Variants in KIF9 observed in about 807,000 individuals in gnomAD.
KIF9 encodes the protein kinesin-like protein KIF9.
Under a neutral mutation model 94.8 loss-of-function variants are expected in KIF9, and 68 were observed. The ratio of observed to expected loss-of-function variants is 0.72; its 90% CI spans 0.59 to 0.88. The LOEUF (loss-of-function observed/expected upper bound fraction) is 0.88, where lower values mean the gene tolerates loss of function less well. KIF9 is among the 40% of genes least tolerant of loss of function. The pLI, the probability that KIF9 is intolerant of heterozygous loss-of-function variation, is 0.00. For missense variants in KIF9, 882 were observed against 982.5 expected (o/e 0.90, Z 1.37); for synonymous variants, 343 against 362.1 (o/e 0.95, Z 0.60).
At chr3:47,233,589 G>A (rs1215893319) in intron 20 of KIF9, among the ~76,000 whole-genome samples, 1 of 150,918 alleles carries the variant, frequency 6.6e-6, no homozygotes, top group Non-Finnish European at 1.5e-5. Context: ...CCAGCTACTC[G>A]GGAGGCTGAG....
intron 20 of KIF9, chr3:47,231,702 C>T (rs911899231): frequency 6.6e-6 from 1 of 152,048 alleles, no homozygotes; most frequent in East Asian, 1.9e-4. Context: ...ATTATAGGCA[C>T]GAGCTATTGT....
chr3:47,256,730 G>A lies in KIF9; in HGVS notation c.1059+753C>T, dbSNP rs551287695. ...GGAAGGGTGGGGAAAGGATTGAGAA[G>A]TCGGATGGTTGCCATGTCTGTGTAG... On this transcript the variant is annotated intron_variant, in intron 10 of 20. Transcript: ENST00000684063. Among the ~76,000 whole-genome samples the A allele has an allele frequency of 6.9e-3, 1,054 of 152,320 alleles. 14 individuals carry two copies. The highest frequency in any genetic ancestry group is 0.023 in the African/African-American group (972 of 41,580).
At chr3:47,245,364 G>T in intron 14 of KIF9, 57 bp downstream of exon 14, 1 of 1,298,380 alleles carries the variant, frequency 7.7e-7, no homozygotes, top group Non-Finnish European at 1.1e-6. Flanking sequence ...GCTCTGCAAA[G>T]GTCTGAGGAT....
chr3:47,239,446 A>G lies in KIF9; in HGVS notation c.1924+1355T>C, dbSNP rs1699304177. On this transcript the variant is annotated intron_variant, in intron 17 of 20. Coordinates refer to ENST00000684063, the MANE Select transcript of KIF9 (RefSeq NM_182902.4). ...GGATAGGGGTATGTCTATAGCCACC[A>G]TCACTGGCCTTCTCCAGCTTCCCAG... The G allele has an allele frequency of 5.9e-6, 3 of 508,116 alleles. No individual in the cohort carries two copies. In the Admixed American group the frequency reaches 1.6e-4, roughly 27 times the overall value. 31.5% of individuals were successfully genotyped at this position (508,116 alleles called of 1,614,324 possible).
intron 5 of KIF9, among the ~76,000 whole-genome samples, chr3:47,270,086 T>C (rs1357748980): frequency 6.6e-6 from 1 of 151,964 alleles, no homozygotes; most frequent in Non-Finnish European, 1.5e-5. Context: ...GTATTGTTAG[T>C]GGAGATGAGG....
At chr3:47,229,357 A>T (rs1173005158) in intron 20 of KIF9, among the ~76,000 whole-genome samples, 1 of 152,178 alleles carries the variant, frequency 6.6e-6, no homozygotes, top group Non-Finnish European at 1.5e-5. Flanking sequence ...GGGGGAAAAT[A>T]ATTTCTATTT....
chr3:47,277,287 T>C lies in KIF9; in HGVS notation c.88A>G (p.Lys30Glu), dbSNP rs1477113057. Residue 30 changes from lysine (K) to glutamate (E), a missense_variant, in exon 2 of 21, where the codon AAA (lysine) becomes GAA (glutamate). Lys to Glu is a moderately conservative substitution (Grantham distance 56). Transcript: ENST00000684063. ...GGCAAACACATCGCACTTACTCTTT[T>C]GTCATCTCCGTATCTGATCATTTCA... ...AHEMIRYGDD[K>E]RSIDIHLKKD... 3.2e-5 allele frequency: 52 copies of C among 1,612,882 alleles called. No homozygotes were observed. The highest frequency in any genetic ancestry group is 4.2e-5 in the Non-Finnish European group (49 of 1,179,052).
At chr3:47,237,862 T>A (rs1699151743) in intron 17 of KIF9, among the ~76,000 whole-genome samples, 1 of 152,190 alleles carries the variant, frequency 6.6e-6, no homozygotes, top group Admixed American at 6.5e-5. Context: ...TCACCAGGTG[T>A]CTCACCTTCA....
chr3:47,277,034 C>T (rs924929637), intron 2 of KIF9: 12 of 310,404 alleles, frequency 3.9e-5, no homozygotes, highest in African/African-American at 8.6e-5. Context: ...GTGTCAGATA[C>T]GAGGGTAAAG....
chr3:47,268,485 A>G (rs898515246), intron 5 of KIF9, among the ~76,000 whole-genome samples: 1 of 152,104 alleles, frequency 6.6e-6, no homozygotes, highest in Non-Finnish European at 1.5e-5. Context: ...CCATACCTCT[A>G]TAGCTTATAG....
intron 9 of KIF9, among the ~76,000 whole-genome samples, chr3:47,262,113 C>T (rs938222570): frequency 1.3e-5 from 2 of 152,072 alleles, no homozygotes; most frequent in African/African-American, 2.4e-5. Context: ...CCGGAGACTG[C>T]GGGTACCAGG....
Position 47,231,349 on chromosome 3 carries a change from GA to G in KIF9, c.2323-2648del, listed in dbSNP as rs1698561408. 4.7e-5 allele frequency among the ~76,000 whole-genome samples: 7 copies of G among 149,840 alleles called. No individual in the cohort carries two copies. In the Admixed American group the frequency reaches 4.7e-4, roughly 10 times the overall value. On this transcript the variant is annotated intron_variant, in intron 20 of 20. Coordinates refer to ENST00000684063, the MANE Select transcript of KIF9 (RefSeq NM_182902.4). ...AGTGTGGTCCTGGACTAGCAGCATG[GA>G]CATCATCTGGGAGTTTATTCAAAAT...
At position 47,248,059 on chromosome 3, in the gene KIF9, G is replaced by C; in HGVS notation, c.1087C>G (p.Leu363Val). 1 of 1,613,826 alleles carries C rather than the reference G, an allele frequency of 6.2e-7. No homozygotes were observed. Among genetic ancestry groups the C allele is most frequent in the Non-Finnish European group, 8.5e-7 (1 of 1,179,858 alleles). Residue 363 changes from leucine (L) to valine (V), a missense_variant, in exon 11 of 21, where the codon CTA (leucine) becomes GTA (valine). By Grantham distance (32) the Leu-to-Val change is conservative (BLOSUM62 1). Coordinates refer to ENST00000684063, the MANE Select transcript of KIF9 (RefSeq NM_182902.4). ...GCCAGCTCCTGCTTGAGTAGTGCTA[G>C]TTCCTTCTCCAGGTTCTTGACCATT... is the stretch of plus-strand genomic sequence containing the variant. The part of the protein sequence containing the change: ...ERMVKNLEKE[L>V]ALLKQELAIH...
intron 10 of KIF9, among the ~76,000 whole-genome samples, chr3:47,256,529 GC>G (rs570707358): frequency 6.6e-6 from 1 of 151,004 alleles, no homozygotes; most frequent in Non-Finnish European, 1.5e-5. Flanking sequence ...GGGGGGGTCG[GC>G]CCCCCGCCCG....
intron 17 of KIF9, chr3:47,239,647 G>A (rs1177886002): frequency 9.4e-7 from 1 of 1,058,514 alleles, no homozygotes; most frequent in African/African-American, 1.7e-5. Flanking sequence ...GAGTGCAGTG[G>A]CGCAATCTTG....
At chr3:47,271,554 G>T in intron 4 of KIF9, 93 bp from the exon 5 acceptor site, 1 of 845,836 alleles carries the variant, frequency 1.2e-6, no homozygotes, top group Non-Finnish European at 2.0e-6. Flanking sequence ...GGAACATCAA[G>T]ATGTATAGAA....
chr3:47,282,615 T>C lies in KIF9; in HGVS notation c.-126A>G, dbSNP rs143186917. Reference sequence around the variant, plus strand: ...CATGGCAACGGGTCGCTTCCGGGGATTCCGGAAGTGTCGGGGTGGCGGAAA... The same window carrying C: ...CATGGCAACGGGTCGCTTCCGGGGACTCCGGAAGTGTCGGGGTGGCGGAAA... On this transcript the variant is annotated 5_prime_UTR_variant, in exon 1 of 21. Transcript: ENST00000684063. 6,909 of 1,117,558 alleles carry C rather than the reference T, an allele frequency of 6.2e-3. 31 individuals carry two copies. Among genetic ancestry groups the C allele is most frequent in the Non-Finnish European group, 7.1e-3 (6,414 of 907,986 alleles). 69.2% of individuals were successfully genotyped at this position (1,117,558 alleles called of 1,614,324 possible).
chr3:47,250,511 C>G, intron 10 of KIF9: 1 of 429,940 alleles, frequency 2.3e-6, no homozygotes, highest in Non-Finnish European at 4.8e-6. Flanking sequence ...ATAAATGATA[C>G]TTTTTTTTTC....
intron 9 of KIF9, among the ~76,000 whole-genome samples, chr3:47,263,221 G>A (rs1701093819): frequency 6.6e-6 from 1 of 152,160 alleles, no homozygotes; most frequent in Non-Finnish European, 1.5e-5. Context: ...TTTATGATGG[G>A]TGGCACTTCA....
Sources: gnomAD v4.1 joint callset for allele counts (sites outside exome capture counted in the v4.1 genomes callset) on GRCh38, gnomAD v4.1.1 for gene constraint, MANE v1.5 for transcripts, NCBI Gene and HGNC (gene_info 2026-07-23, HGNC 2026-07-21) for gene names.